The following GHRHR variants were observed in gnomAD, a reference collection of about 807,000 sequenced individuals.
GHRHR encodes growth hormone-releasing hormone receptor.
In GHRHR, 40 loss-of-function variants were observed where a neutral mutation model predicts 58.3. That is an observed-to-expected ratio of 0.69 (90% confidence interval 0.53 to 0.89). GHRHR has a LOEUF of 0.89. Ranked by LOEUF, GHRHR falls within the 40% of genes least tolerant of loss-of-function variation. GHRHR has a pLI of 0.00. For synonymous variants in GHRHR, 249 were observed against 216.6 expected, an observed-to-expected ratio of 1.15 and a Z score of -1.31; for missense variants, 551 against 541.3, an observed-to-expected ratio of 1.02 and a Z score of -0.18.
rs919407887 is a variant in GHRHR, at chr7:30,976,316, G to A, written c.975-113G>A. ...TTGTGGGGAGGTGGCGTTTCCCAAG[G>A]TGGCTGTTCCACAGAGTGGATATAG... On this transcript the variant is annotated intron_variant, in intron 10 of 12. Transcript: ENST00000326139. The A allele has an allele frequency of 3.1e-6, 3 of 965,620 alleles. No individual in the cohort carries two copies. In the African/African-American group the frequency reaches 4.8e-5, roughly 15 times the overall value. 59.8% of individuals were successfully genotyped at this position (965,620 alleles called of 1,614,324 possible).
At chr7:30,967,457 G>A (rs1361207591) in intron 1 of GHRHR, among the ~76,000 whole-genome samples, 2 of 152,154 alleles carry the variant, frequency 1.3e-5, no homozygotes, top group African/African-American at 4.8e-5. Flanking sequence ...GATCTGGGAG[G>A]CTCCTAAAAC....
intron 3 of GHRHR, among the ~76,000 whole-genome samples, 178 bp downstream of exon 3, chr7:30,969,348 G>GAGA (rs768237840): frequency 9.9e-5 from 15 of 151,484 alleles, no homozygotes; most frequent in Admixed American, 6.6e-4. Flanking sequence ...GTGAACTGGG[G>GAGA]AGAACAAGAG....
At chr7:30,978,526 G>A (rs1237269690) in intron 12 of GHRHR, among the ~76,000 whole-genome samples, 2 of 152,148 alleles carry the variant, frequency 1.3e-5, no homozygotes, top group Non-Finnish European at 2.9e-5. Flanking sequence ...CACAACCCCA[G>A]TTCGGCTCTA....
At position 30,964,134 on chromosome 7, in the gene GHRHR, C is replaced by G. The variant is rs1792290807; in HGVS notation, c.57+9C>G. 1 of 1,546,496 alleles carries G rather than the reference C, an allele frequency of 6.5e-7. No homozygotes were observed. ...TGAGCCCGTTACCGACCGTGAGTAG[C>G]CAGCTGAGACCCTCTGGCCTCTGCC... On this transcript the variant is annotated intron_variant, in intron 1 of 12. Coordinates refer to ENST00000326139, the MANE Select transcript of GHRHR (RefSeq NM_000823.4).
Position 30,969,691 on chromosome 7 carries a change from G to T in GHRHR, c.269-176G>T. On this transcript the variant is annotated intron_variant, in intron 3 of 12. Transcript: ENST00000326139. ...GAAGCCAGAGAAGGAAGGCCCCATAGTGTGTCCCTGGGCAGGCTAGACCTG... is the reference window on the plus strand; with the variant it reads ...GAAGCCAGAGAAGGAAGGCCCCATATTGTGTCCCTGGGCAGGCTAGACCTG... 4 of 703,632 alleles carry T rather than the reference G, an allele frequency of 5.7e-6. No homozygotes were observed. In the South Asian group the frequency reaches 6.2e-5, roughly 11 times the overall value. 43.6% of individuals were successfully genotyped at this position (703,632 alleles called of 1,614,324 possible).
At chr7:30,975,604 C>T (rs1305129039) in intron 9 of GHRHR, among the ~76,000 whole-genome samples, 173 bp from the exon 10 acceptor site, 3 of 152,132 alleles carry the variant, frequency 2.0e-5, no homozygotes, top group African/African-American at 7.2e-5. Context: ...CCCCCGCCCC[C>T]CCATCTCCAG....
chr7:30,976,611 T>A (rs1402026405), intron 11 of GHRHR, 53 bp downstream of exon 11: 21 of 1,559,914 alleles, frequency 1.3e-5, no homozygotes, highest in Non-Finnish European at 1.8e-5. Flanking sequence ...TGGAGGGAGG[T>A]GCTGTTGCCC....
rs118120668 is a variant in GHRHR, at chr7:30,965,870, G to A, written c.57+1745G>A. Among the ~76,000 whole-genome samples, 1,282 of 152,324 alleles carry A rather than the reference G, an allele frequency of 8.4e-3. 16 individuals are homozygous for A. The highest frequency in any genetic ancestry group is 0.012 in the Non-Finnish European group (793 of 68,020). On this transcript the variant is annotated intron_variant, in intron 1 of 12. Coordinates refer to ENST00000326139, the MANE Select transcript of GHRHR (RefSeq NM_000823.4). The stretch of plus-strand genomic sequence containing the variant: ...CTGCTCTTCCTTCCCCGCTTTGTGC[G>A]CTCAGTCTGTTGGGAGATGTAGGGG...
rs545906371 is a variant in GHRHR, at chr7:30,975,546, C to T, written c.883-231C>T. ...CAGGTGGCAAGGCCTGATCGCCCCC[C>T]TTGATCCCAGGACTTGGTCCTTCTC... On this transcript the variant is annotated intron_variant, in intron 9 of 12. Coordinates refer to ENST00000326139, the MANE Select transcript of GHRHR (RefSeq NM_000823.4). Among the ~76,000 whole-genome samples, 3 of 152,276 alleles carry T rather than the reference C, an allele frequency of 2.0e-5. No homozygotes were observed. The South Asian group carries it at 6.2e-4, about 32-fold the overall frequency.
intron 1 of GHRHR, 88 bp from the exon 2 acceptor site, chr7:30,968,746 C>A: frequency 1.2e-6 from 1 of 837,920 alleles, no homozygotes; most frequent in Non-Finnish European, 2.1e-6. Context: ...ATGAATCAGG[C>A]CTTGTCCCTG....
intron 1 of GHRHR, among the ~76,000 whole-genome samples, chr7:30,968,492 G>A (rs753056435): frequency 9.2e-5 from 14 of 151,912 alleles, no homozygotes; most frequent in Non-Finnish European, 1.9e-4. Context: ...CCTCTTTTCC[G>A]GGGTGACTTT....
chr7:30,970,773 A>G (rs1334257296), intron 4 of GHRHR, among the ~76,000 whole-genome samples: 1 of 152,212 alleles, frequency 6.6e-6, no homozygotes, highest in Non-Finnish European at 1.5e-5. Context: ...GCTGGTGAGC[A>G]AGCTGGATGT....
chr7:30,969,138 C>T lies in GHRHR; in HGVS notation c.236C>T (p.Pro79Leu), dbSNP rs765640577. Reference protein sequence around the residue: ...GSGEWVTLPCPDFFSHFSSES... With the variant: ...GSGEWVTLPCLDFFSHFSSES... ...GGCGAGTGGGTCACCCTCCCCTGCC[C>T]GGATTTCTTCTCTCACTTCAGCTCA... is the stretch of plus-strand genomic sequence containing the variant. Residue 79 changes from proline (P) to leucine (L), a missense_variant, in exon 3 of 13, where the codon CCG (proline) becomes CTG (leucine). Physicochemically the swap from Pro to Leu is moderately conservative, Grantham distance 98. Transcript: ENST00000326139. 1.0e-5 allele frequency: 16 copies of T among 1,572,192 alleles called. No homozygotes were observed. The highest frequency in any genetic ancestry group is 8.1e-5 in the African/African-American group (6 of 74,430).
intron 8 of GHRHR, 141 bp downstream of exon 8, chr7:30,974,630 CTG>C (rs1274284383): frequency 4.1e-6 from 3 of 732,074 alleles, no homozygotes; most frequent in Non-Finnish European, 7.5e-6. Context: ...GGAGAACAGT[CTG>C]TGAGTAGCAC....
Position 30,970,788 on chromosome 7 carries a change from AAAC to A in GHRHR, c.367-328_367-326del, listed in dbSNP as rs373065008. On this transcript the variant is annotated intron_variant, in intron 4 of 12. Transcript: ENST00000326139. ...GCTGGTGAGCAAGCTGGATGTCAATAAACAAGCTGATTTCCTCTTGGGCTTTTG... is the reference window on the plus strand; with the variant it reads ...GCTGGTGAGCAAGCTGGATGTCAATAAAGCTGATTTCCTCTTGGGCTTTTG... 2.2e-3 allele frequency among the ~76,000 whole-genome samples: 340 copies of A among 152,362 alleles called. 2 individuals carry two copies. The highest frequency in any genetic ancestry group is 7.5e-3 in the African/African-American group (313 of 41,588).
chr7:30,977,419 T>C, intron 12 of GHRHR, 97 bp downstream of exon 12: 1 of 977,656 alleles, frequency 1.0e-6, no homozygotes, highest in Non-Finnish European at 1.7e-6. Flanking sequence ...AAACCCCAGC[T>C]CAGGCCACAC....
chr7:30,974,402 G>A (rs368435900), intron 7 of GHRHR, 27 bp from the exon 8 acceptor site: 183 of 1,554,158 alleles, frequency 1.2e-4, no homozygotes, highest in Middle Eastern at 1.7e-4. Flanking sequence ...AGACTCCCTC[G>A]CTTGTGTCTT....
chr7:30,979,305 A>G lies in GHRHR; in HGVS notation c.*61A>G. On this transcript the variant is annotated 3_prime_UTR_variant, in exon 13 of 13. Coordinates refer to ENST00000326139, the MANE Select transcript of GHRHR (RefSeq NM_000823.4). ...TTTGGGCAGCTACCACGGGTCTGCC[A>G]TGCTCTGGAGGAGCAAGGGGGCCAC... 3 of 1,567,908 alleles carry G rather than the reference A, an allele frequency of 1.9e-6. No homozygotes were observed. Among genetic ancestry groups the G allele is most frequent in the Non-Finnish European group, 2.6e-6 (3 of 1,147,170 alleles).
rs570255598 is a variant in GHRHR at position 30,964,017 on chromosome 7, A to T, written c.-52A>T. On this transcript the variant is annotated 5_prime_UTR_variant, in exon 1 of 13. It adds an upstream start codon to the 5' untranslated region. Transcript: ENST00000326139. The stretch of plus-strand genomic sequence containing the variant: ...GTGTCAGGGGACAGCAGGGGAAGGA[A>T]GATAGCCAAGGCTTACTGAGGCTGG... The T allele has an allele frequency of 1.2e-4, 181 of 1,490,966 alleles. 1 individual carries two copies. The African/African-American group carries it at 1.9e-3, about 16-fold the overall frequency. 92.4% of individuals were successfully genotyped at this position (1,490,966 alleles called of 1,614,324 possible).
Sources: allele counts gnomAD v4.1 joint callset (sites outside exome capture counted in the v4.1 genomes callset), GRCh38; gene constraint gnomAD v4.1.1; transcripts MANE v1.5; gene names NCBI Gene and HGNC (gene_info 2026-07-23, HGNC 2026-07-21).